Variants in RUNX1T1 observed in about 807,000 individuals in gnomAD.
RUNX1T1 encodes the protein RUNX1 partner transcriptional co-repressor 1.
RUNX1T1 carries 4 observed loss-of-function variants against 62.8 expected under a neutral mutation model. The ratio of observed to expected loss-of-function variants is 0.06; its 90% confidence interval spans 0.03 to 0.15. The LOEUF (loss-of-function observed/expected upper bound fraction) is 0.15. Ranked by LOEUF, RUNX1T1 falls within the 10% of genes least tolerant of loss-of-function variation. The pLI is 1.00. For missense variants in RUNX1T1, 508 were observed against 754.3 expected, an observed-to-expected ratio of 0.67 and a Z score of 3.82; for synonymous variants, 291 against 286.0, an observed-to-expected ratio of 1.02 and a Z score of -0.18.
intron 5 of RUNX1T1, chr8:91,994,577 T>C (rs1376930380): frequency 2.0e-6 from 1 of 496,246 alleles, no homozygotes; most frequent in Non-Finnish European, 4.0e-6. Flanking sequence ...ACTAGCTGTG[T>C]GACCTTGGTC....
intron 9 of RUNX1T1, among the ~76,000 whole-genome samples, chr8:91,975,170 G>C (rs960751925): frequency 6.6e-6 from 1 of 152,158 alleles, no homozygotes; most frequent in African/African-American, 2.4e-5. Flanking sequence ...TTTTCATAAA[G>C]GTTTTTGCTT....
chr8:92,045,096 A>G (rs991325267), intron 1 of RUNX1T1, among the ~76,000 whole-genome samples: 5 of 151,636 alleles, frequency 3.3e-5, no homozygotes, highest in African/African-American at 1.2e-4. Context: ...ATCGATATAT[A>G]TATTATACAT....
At chr8:92,065,384 A>G (rs1163196051), upstream of RUNX1T1, among the ~76,000 whole-genome samples, 1 of 152,228 alleles carries the variant, frequency 6.6e-6, no homozygotes, top group African/African-American at 2.4e-5. Flanking sequence ...TCCCAATAAC[A>G]AAGAATACAT....
At chr8:91,983,366 A>C (rs942673215) in intron 8 of RUNX1T1, among the ~76,000 whole-genome samples, 1 of 152,190 alleles carries the variant, frequency 6.6e-6, no homozygotes, top group Non-Finnish European at 1.5e-5. Context: ...CACATCAATC[A>C]TGAAAGTTAC....
At chr8:91,975,319 T>C (rs147604217) in intron 9 of RUNX1T1, among the ~76,000 whole-genome samples, 58 of 152,340 alleles carry the variant, frequency 3.8e-4, no homozygotes, top group Admixed American at 8.5e-4. Flanking sequence ...ATAGTGTATA[T>C]GAAAAGCAAA....
At chr8:92,024,619 A>G (rs1824794319) in intron 1 of RUNX1T1, among the ~76,000 whole-genome samples, 1 of 151,606 alleles carries the variant, frequency 6.6e-6, no homozygotes, top group South Asian at 2.1e-4. Flanking sequence ...CATGTACACT[A>G]CTTTATCTGA....
chr8:92,095,072 T>C, intron 1 of RUNX1T1: 5 of 1,535,600 alleles, frequency 3.3e-6, no homozygotes, highest in South Asian at 1.2e-5. Context: ...GGAGATAGCG[T>C]CAAGGCCAGG....
intron 1 of RUNX1T1, chr8:92,095,244 AGG>A: frequency 6.6e-7 from 1 of 1,521,266 alleles, no homozygotes; most frequent in Non-Finnish European, 8.8e-7. Flanking sequence ...TCATTTGGAA[AGG>A]GAGAGAGGGA....
At chr8:92,075,779 T>C (rs1267389707) in intron 2 of RUNX1T1, among the ~76,000 whole-genome samples, 186 bp downstream of exon 2, 3 of 152,104 alleles carry the variant, frequency 2.0e-5, no homozygotes, top group South Asian at 4.1e-4. Flanking sequence ...CACCACCAGA[T>C]TGATCCCCAC....
At chr8:91,967,946 A>G (rs1811986635) in intron 10 of RUNX1T1, among the ~76,000 whole-genome samples, 1 of 152,194 alleles carries the variant, frequency 6.6e-6, no homozygotes, top group Non-Finnish European at 1.5e-5. Context: ...AACTGTGGGA[A>G]ATATGAGCAG....
chr8:91,999,203 G>A (rs1408701040), intron 5 of RUNX1T1, among the ~76,000 whole-genome samples: 1 of 152,124 alleles, frequency 6.6e-6, no homozygotes, highest in Non-Finnish European at 1.5e-5. Context: ...CATGTATACA[G>A]AAGGTACCAT....
At position 92,069,289 on chromosome 8, in the gene RUNX1T1, A is replaced by T. The variant is rs571698192; in HGVS notation, c.88+6676T>A. Among the ~76,000 whole-genome samples the T allele has an allele frequency of 3.3e-5, 5 of 152,296 alleles. No homozygotes were observed. In the East Asian group the frequency reaches 9.6e-4, roughly 29 times the overall value. On this transcript the variant is annotated intron_variant, in intron 2 of 11. Transcript: ENST00000265814. ...GAATTAAACTATTTTACACAGCAAC[A>T]AAAATAAAACAAAAGATTTCCCTAT...
chr8:91,962,609 G>C (rs906719930), intron 10 of RUNX1T1, among the ~76,000 whole-genome samples: 1 of 152,228 alleles, frequency 6.6e-6, no homozygotes, highest in Non-Finnish European at 1.5e-5. Flanking sequence ...GTGAGCAAAC[G>C]TGGGCCTGGC....
At chr8:92,098,781 A>G (rs1837904865) in intron 1 of RUNX1T1, among the ~76,000 whole-genome samples, 1 of 152,240 alleles carries the variant, frequency 6.6e-6, no homozygotes, top group African/African-American at 2.4e-5. Flanking sequence ...ATTAGTTTGG[A>G]CAGACAGGTG....
intron 1 of RUNX1T1, among the ~76,000 whole-genome samples, chr8:92,051,680 G>A (rs1008505581): frequency 1.3e-5 from 2 of 151,408 alleles, no homozygotes; most frequent in African/African-American, 2.4e-5. Flanking sequence ...CAGTTCAGAC[G>A]CGGCTTGGAA....
intron 5 of RUNX1T1, among the ~76,000 whole-genome samples, chr8:92,001,895 G>T (rs1229215895): frequency 6.6e-6 from 1 of 152,150 alleles, no homozygotes; most frequent in Non-Finnish European, 1.5e-5. Context: ...AAGAAAGAAA[G>T]CATTATCTAA....
At chr8:92,078,558 T>G (rs7827328) in intron 1 of RUNX1T1, among the ~76,000 whole-genome samples, 5,422 of 152,170 alleles carry the variant, frequency 0.036, 334 homozygotes, top group African/African-American at 0.12. Context: ...CAAGTGTTAT[T>G]TAAAAGGCTC....
chr8:92,044,702 T>C (rs1829072931), intron 1 of RUNX1T1, among the ~76,000 whole-genome samples: 1 of 152,240 alleles, frequency 6.6e-6, no homozygotes, highest in African/African-American at 2.4e-5. Context: ...AGGACCAACA[T>C]GTATGGTTTT....
intron 1 of RUNX1T1, among the ~76,000 whole-genome samples, chr8:92,029,434 G>T (rs184154948): frequency 1.3e-5 from 2 of 152,294 alleles, no homozygotes; most frequent in East Asian, 1.9e-4. Flanking sequence ...AGATATTTCA[G>T]AAGTATTGCT....
Sources: allele counts gnomAD v4.1 joint callset (sites outside exome capture counted in the v4.1 genomes callset), GRCh38; gene constraint gnomAD v4.1.1; transcripts MANE v1.5; gene names NCBI Gene and HGNC (gene_info 2026-07-23, HGNC 2026-07-21).